GPHN: variants seen among roughly 807,000 people sequenced by gnomAD.
GPHN encodes the protein gephyrin.
In GPHN, 17 loss-of-function variants were observed where a neutral mutation model predicts 95.5. That is an observed-to-expected ratio of 0.18 (90% CI 0.12 to 0.27). GPHN has a LOEUF of 0.27. GPHN is among the 10% of genes least tolerant of loss of function. The pLI, the probability that GPHN is intolerant of heterozygous loss-of-function variation, is 1.00. For missense variants in GPHN, 660 were observed against 978.1 expected (o/e 0.67, Z 4.34); for synonymous variants, 320 against 322.5 (o/e 0.99, Z 0.08).
chr14:66,976,264 G>T (rs1383219616), intron 9 of GPHN, among the ~76,000 whole-genome samples: 1 of 152,174 alleles, frequency 6.6e-6, no homozygotes, highest in Non-Finnish European at 1.5e-5. Context: ...AGATAGGGAA[G>T]TGAACTGTTG....
At chr14:66,852,330 G>A (rs902396899) in intron 4 of GPHN, among the ~76,000 whole-genome samples, 3 of 152,196 alleles carry the variant, frequency 2.0e-5, no homozygotes, top group African/African-American at 7.2e-5. Flanking sequence ...TATCACTCAT[G>A]GTACATTTTG....
At chr14:67,489,948 C>T in the GPHN span, among the ~76,000 whole-genome samples, 1 of 151,848 alleles carries the variant, frequency 6.6e-6, no homozygotes, top group African/African-American at 2.4e-5. Flanking sequence ...TGAGACCACG[C>T]CACTGCACTC....
intron 4 of GPHN, among the ~76,000 whole-genome samples, chr14:66,868,133 G>T (rs1324073108): frequency 6.6e-6 from 1 of 152,108 alleles, no homozygotes. Context: ...GTAGTCATTA[G>T]CTGGTATTTC....
At chr14:67,506,218 T>A in the GPHN span, among the ~76,000 whole-genome samples, 1 of 152,172 alleles carries the variant, frequency 6.6e-6, no homozygotes, top group African/African-American at 2.4e-5. Context: ...GGACTCTGCT[T>A]CATAAAGCGG....
intron 13 of GPHN, among the ~76,000 whole-genome samples, chr14:67,107,795 A>AG (rs1482663694): frequency 2.0e-5 from 3 of 152,036 alleles, no homozygotes; most frequent in Non-Finnish European, 4.4e-5. Flanking sequence ...CTCCCCAGAG[A>AG]GGGGGGTATC....
In GPHN at chr14:66,531,227, T is replaced by C. The variant is rs146685710; in HGVS notation, c.64+22636T>C. Among the ~76,000 whole-genome samples, 388 of 152,222 alleles carry C rather than the reference T, an allele frequency of 2.5e-3. 9 individuals carry two copies. Among genetic ancestry groups the C allele is most frequent in the East Asian group, 0.019 (96 of 5,170 alleles). ...CCCCAAAGTGCTGGGATTACAGGCA[T>C]GAGACACCATGCTTGGCCAAATTTA... On this transcript the variant is annotated intron_variant, in intron 1 of 22. Transcript: ENST00000478722.
At chr14:67,174,054 T>TA (rs1228675700) in intron 21 of GPHN, among the ~76,000 whole-genome samples, 1 of 152,206 alleles carries the variant, frequency 6.6e-6, no homozygotes, top group Admixed American at 6.5e-5. Context: ...CTGTAAGACT[T>TA]ACGAGCCATC....
the GPHN span, among the ~76,000 whole-genome samples, chr14:67,264,370 A>G: frequency 4.4e-4 from 67 of 152,222 alleles, no homozygotes; most frequent in Middle Eastern, 3.4e-3. Context: ...GGTTTTGGCT[A>G]TTTGATGTAA....
chr14:66,837,943 A>G (rs2153505694), intron 4 of GPHN, among the ~76,000 whole-genome samples: 1 of 151,308 alleles, frequency 6.6e-6, no homozygotes, highest in Non-Finnish European at 1.5e-5. Context: ...GATGCAAGTG[A>G]TGGTAAGTTC....
chr14:67,646,626 C>A, the GPHN span: 25 of 1,556,854 alleles, frequency 1.6e-5, no homozygotes, highest in African/African-American at 2.7e-5. Flanking sequence ...TAATCCTGTC[C>A]ATTTCTCCCT....
intron 6 of GPHN, among the ~76,000 whole-genome samples, chr14:66,916,844 A>C (rs561136082): frequency 6.6e-6 from 1 of 152,192 alleles, no homozygotes; most frequent in Non-Finnish European, 1.5e-5. Flanking sequence ...GCCTTTGGCC[A>C]AGGCTTTTTT....
chr14:67,416,576 G>A, the GPHN span, among the ~76,000 whole-genome samples: 202 of 152,312 alleles, frequency 1.3e-3, no homozygotes, highest in Middle Eastern at 3.4e-3. Context: ...TATGCCCAAG[G>A]CCATCCAGCT....
chr14:67,074,696 A>G (rs1193595913), intron 11 of GPHN, among the ~76,000 whole-genome samples: 3 of 152,204 alleles, frequency 2.0e-5, no homozygotes, highest in Non-Finnish European at 4.4e-5. Context: ...GCTACAGCCA[A>G]GTTGTGAATG....
At chr14:67,402,274 ATT>A in the GPHN span, among the ~76,000 whole-genome samples, 1 of 152,046 alleles carries the variant, frequency 6.6e-6, no homozygotes, top group Non-Finnish European at 1.5e-5. Flanking sequence ...TTTACTTTAA[ATT>A]TTTTTATTTT....
At chr14:67,488,722 A>G in the GPHN span, 1 of 152,424 alleles carries the variant, frequency 6.6e-6, no homozygotes, top group African/African-American at 2.4e-5. Flanking sequence ...AGTCAGAACT[A>G]AAACAGAAAC....
the GPHN span, chr14:67,579,714 G>A: frequency 3.3e-5 from 53 of 1,611,412 alleles, no homozygotes; most frequent in African/African-American, 4.0e-4. Flanking sequence ...CTCTTCTCCC[G>A]CCTCAGGTGG....
chr14:67,417,529 A>T, the GPHN span, among the ~76,000 whole-genome samples: 31 of 148,052 alleles, frequency 2.1e-4, 1 homozygote, highest in Admixed American at 1.9e-3. Context: ...CCTCCCAGGT[A>T]TAAGCAATCC....
intron 1 of GPHN, chr14:66,509,180 G>A (rs1324394208): frequency 6.5e-6 from 1 of 154,922 alleles, no homozygotes; most frequent in Admixed American, 6.4e-5. Context: ...CGCCTCCCTC[G>A]GGGGATGGGG....
At chr14:67,491,396 C>T in the GPHN span, among the ~76,000 whole-genome samples, 1 of 152,200 alleles carries the variant, frequency 6.6e-6, no homozygotes, top group East Asian at 1.9e-4. Context: ...ATCCTCTAAG[C>T]ATTTGGTCTT....
Sources: allele counts gnomAD v4.1 joint callset (sites outside exome capture counted in the v4.1 genomes callset), GRCh38; gene constraint gnomAD v4.1.1; transcripts MANE v1.5; gene names NCBI Gene and HGNC (gene_info 2026-07-23, HGNC 2026-07-21).